The following B4GALT6 variants were observed in gnomAD, a reference collection of about 807,000 sequenced individuals.
B4GALT6 encodes the protein UDP-Gal:beta-GlcNAc beta-1,4-galactosyltransferase 6.
B4GALT6 carries 14 observed loss-of-function variants against 46.3 expected under a neutral mutation model. The ratio of observed to expected loss-of-function variants is 0.30; its 90% CI spans 0.20 to 0.47. The LOEUF (loss-of-function observed/expected upper bound fraction) is 0.47. Among genes scored for constraint, B4GALT6 ranks in the 20% least tolerant of loss-of-function variants. The probability of loss-of-function intolerance (pLI) is 0.99; values close to 1 mark genes in which losing one functional copy is unlikely to be tolerated. For missense variants in B4GALT6, 386 were observed against 480.1 expected (o/e 0.80, Z 1.83); for synonymous variants, 168 against 162.0 (o/e 1.04, Z -0.28).
intron 5 of B4GALT6, among the ~76,000 whole-genome samples, chr18:31,632,389 T>C (rs1348082302): frequency 6.6e-6 from 1 of 152,220 alleles, no homozygotes; most frequent in African/African-American, 2.4e-5. Context: ...AAAATTGTTT[T>C]TATTAAATGT....
chr18:31,667,179 T>C lies in B4GALT6; in HGVS notation c.116-807A>G, dbSNP rs550002124. On this transcript the variant is annotated intron_variant, in intron 1 of 8. Coordinates refer to ENST00000306851, the MANE Select transcript of B4GALT6 (RefSeq NM_004775.5). ...ACTCCTTTCCTGGTCCCAATTCTGT[T>C]AGTGCTGTGCATAACTTTGTACAGC... Among the ~76,000 whole-genome samples, 9 of 152,318 alleles carry C rather than the reference T, an allele frequency of 5.9e-5. No homozygotes were observed. In the East Asian group the frequency reaches 1.5e-3, roughly 26 times the overall value.
At chr18:31,703,211 A>AG in the B4GALT6 span, among the ~76,000 whole-genome samples, 2 of 152,248 alleles carry the variant, frequency 1.3e-5, no homozygotes, top group South Asian at 4.2e-4. Flanking sequence ...CAAGGAAAAG[A>AG]GGGGGAAAAA....
chr18:31,703,392 C>A, the B4GALT6 span, among the ~76,000 whole-genome samples: 3 of 152,080 alleles, frequency 2.0e-5, no homozygotes, highest in Non-Finnish European at 4.4e-5. Context: ...TATGCCTATC[C>A]TTCAGAAAAG....
chr18:31,650,433 T>C (rs977836613), intron 3 of B4GALT6, among the ~76,000 whole-genome samples: 6 of 152,196 alleles, frequency 3.9e-5, no homozygotes, highest in Non-Finnish European at 5.9e-5. Flanking sequence ...AGTGGTCATA[T>C]GACCAAATGC....
chr18:31,709,133 A>AG, the B4GALT6 span, among the ~76,000 whole-genome samples: 2 of 152,160 alleles, frequency 1.3e-5, no homozygotes, highest in Non-Finnish European at 2.9e-5. Flanking sequence ...AGTCCCTTTC[A>AG]GGTCTATCAT....
At chr18:31,668,674 G>A (rs970839366) in intron 1 of B4GALT6, among the ~76,000 whole-genome samples, 1 of 152,064 alleles carries the variant, frequency 6.6e-6, no homozygotes, top group Admixed American at 6.5e-5. Context: ...GCCCTTAAAA[G>A]TTTGAATTGA....
chr18:31,668,451 GA>G (rs531670964), intron 1 of B4GALT6, among the ~76,000 whole-genome samples: 1 of 152,262 alleles, frequency 6.6e-6, no homozygotes, highest in Admixed American at 6.5e-5. Context: ...TGTATGCCCT[GA>G]ATCTAAAATA....
chr18:31,665,838 C>T (rs1309545543), intron 2 of B4GALT6, among the ~76,000 whole-genome samples: 1 of 152,164 alleles, frequency 6.6e-6, no homozygotes, highest in African/African-American at 2.4e-5. Flanking sequence ...ACACTATTAA[C>T]AATCTTCTAT....
intron 5 of B4GALT6, among the ~76,000 whole-genome samples, chr18:31,638,285 T>C (rs566132946): frequency 2.0e-5 from 3 of 152,244 alleles, no homozygotes; most frequent in South Asian, 2.1e-4. Flanking sequence ...CCTAGCACTT[T>C]AGGAGGCCGA....
chr18:31,640,456 T>C (rs1014196416), intron 4 of B4GALT6, among the ~76,000 whole-genome samples: 2 of 152,184 alleles, frequency 1.3e-5, no homozygotes, highest in African/African-American at 4.8e-5. Context: ...TTTAGTAAAA[T>C]TGAAGATGTC....
At chr18:31,644,578 A>G (rs2073969293) in intron 4 of B4GALT6, among the ~76,000 whole-genome samples, 2 of 152,238 alleles carry the variant, frequency 1.3e-5, no homozygotes, top group Non-Finnish European at 2.9e-5. Flanking sequence ...TGTAGTTTTC[A>G]TTGGAATTAC....
chr18:31,701,747 T>C, the B4GALT6 span, among the ~76,000 whole-genome samples: 1 of 152,132 alleles, frequency 6.6e-6, no homozygotes, highest in Non-Finnish European at 1.5e-5. Context: ...GATTGACAAA[T>C]GTTACTATAC....
chr18:31,641,378 A>C (rs2073929225), intron 4 of B4GALT6, among the ~76,000 whole-genome samples: 1 of 152,224 alleles, frequency 6.6e-6, no homozygotes, highest in Admixed American at 6.5e-5. Context: ...TAGATGTCCA[A>C]ATTTTAATGA....
chr18:31,630,960 T>C lies in B4GALT6; in HGVS notation c.775A>G (p.Ile259Val), dbSNP rs2073780185. The C allele has an allele frequency of 6.2e-7, 1 of 1,614,126 alleles. No individual in the cohort carries two copies. Among genetic ancestry groups the C allele is most frequent in the Non-Finnish European group, 8.5e-7 (1 of 1,179,956 alleles). The change falls in exon 6 of 9, where the codon ATT (isoleucine) becomes GTT (valine). Residue 259 changes from isoleucine to valine, a missense_variant and splice_region_variant. Physicochemically the swap from Ile to Val is conservative, Grantham distance 29. This residue lies in a region of B4GALT6 where 323 missense variants were observed against 438.9 expected (regional missense o/e 0.74). Coordinates refer to ENST00000306851, the MANE Select transcript of B4GALT6 (RefSeq NM_004775.5). ...FAAKLDKYMY[I>V]LPYKEFFGGV... is the part of the protein sequence containing the mutation. ...TCAGGAATAGTGCACACTACTTACATATACATGTATTTATCCAGCTTTGCA... is the reference window on the plus strand; with the variant it reads ...TCAGGAATAGTGCACACTACTTACACATACATGTATTTATCCAGCTTTGCA...
chr18:31,673,509 TGGAAGGCAA>T (rs1176142145), intron 1 of B4GALT6, among the ~76,000 whole-genome samples: 1 of 151,986 alleles, frequency 6.6e-6, no homozygotes, highest in Non-Finnish European at 1.5e-5. Context: ...GGGGACAAAG[TGGAAGGCAA>T]CATTCAGAAT....
At chr18:31,639,789 C>T (rs534162141) in intron 4 of B4GALT6, among the ~76,000 whole-genome samples, 49 of 152,210 alleles carry the variant, frequency 3.2e-4, no homozygotes, top group African/African-American at 1.1e-3. Context: ...ATGGAACTCT[C>T]AAACCCAACA....
chr18:31,724,307 G>T, the B4GALT6 span: 1 of 511,070 alleles, frequency 2.0e-6, no homozygotes, highest in Non-Finnish European at 3.1e-6. Flanking sequence ...CTCCTCACAT[G>T]GCAACTATTG....
the B4GALT6 span, among the ~76,000 whole-genome samples, chr18:31,716,191 A>G: frequency 2.0e-5 from 3 of 152,190 alleles, no homozygotes; most frequent in Non-Finnish European, 4.4e-5. Context: ...TACCTCACCA[A>G]TTACAACCCT....
At chr18:31,683,328 A>G (rs916533618) in intron 1 of B4GALT6, among the ~76,000 whole-genome samples, 2 of 152,228 alleles carry the variant, frequency 1.3e-5, no homozygotes, top group Non-Finnish European at 2.9e-5. Flanking sequence ...CGGAACAAAG[A>G]GCACTGGCTC....
Sources: allele counts gnomAD v4.1 joint callset (sites outside exome capture counted in the v4.1 genomes callset), GRCh38; gene constraint gnomAD v4.1.1; regional missense constraint gnomAD v4.1.1; transcripts MANE v1.5; gene names NCBI Gene and HGNC (gene_info 2026-07-23, HGNC 2026-07-21).